The following RSPRY1 variants were observed in gnomAD, a reference collection of about 807,000 sequenced individuals.
RSPRY1 encodes the protein RING finger and SPRY domain-containing protein 1.
In RSPRY1, 23 loss-of-function variants were observed where a neutral mutation model predicts 73.1. The observed-to-expected ratio is 0.31, with a 90% CI of 0.23 to 0.45. The LOEUF is 0.45. Ranked by LOEUF, RSPRY1 falls within the 20% of genes least tolerant of loss-of-function variation. The probability of loss-of-function intolerance (pLI) is 1.00; values close to 1 mark genes in which losing one functional copy is unlikely to be tolerated. For synonymous variants in RSPRY1, 226 were observed against 251.4 expected (o/e 0.90, Z 0.95); for missense variants, 448 against 698.7 (o/e 0.64, Z 4.05).
At chr16:57,198,665 A>G (rs1271166933) in intron 1 of RSPRY1, among the ~76,000 whole-genome samples, 1 of 152,036 alleles carries the variant, frequency 6.6e-6, no homozygotes, top group Non-Finnish European at 1.5e-5. Context: ...CTCCCCTTCA[A>G]GGCTTTGTTT....
intron 11 of RSPRY1, among the ~76,000 whole-genome samples, chr16:57,229,868 G>A (rs1310421957): frequency 2.7e-5 from 4 of 150,058 alleles, no homozygotes; most frequent in African/African-American, 4.9e-5. Context: ...ATTAACACCC[G>A]GGTAATTTTT....
intron 1 of RSPRY1, among the ~76,000 whole-genome samples, chr16:57,202,940 TC>T (rs2074653316): frequency 6.7e-6 from 1 of 150,306 alleles, no homozygotes; most frequent in African/African-American, 2.4e-5. Context: ...TTTCTCTTTT[TC>T]TTCTATGTTT....
At chr16:57,217,164 G>GAT (rs2074955396) in intron 8 of RSPRY1, 129 bp downstream of exon 8, 3 of 973,178 alleles carry the variant, frequency 3.1e-6, no homozygotes, top group Admixed American at 4.4e-5. Context: ...TGGCAGGTTG[G>GAT]ATATATTCTA....
intron 1 of RSPRY1, among the ~76,000 whole-genome samples, chr16:57,188,969 G>C (rs2074301212): frequency 6.8e-6 from 1 of 145,994 alleles, no homozygotes; most frequent in Non-Finnish European, 1.5e-5. Context: ...TCTATGTTAT[G>C]CTTTTTTCTG....
At position 57,220,721 on chromosome 16, in the gene RSPRY1, T is replaced by C; in HGVS notation, c.902-11T>C. 6.3e-7 allele frequency: 1 copy of C among 1,575,788 alleles called. No homozygotes were observed. The highest frequency in any genetic ancestry group is 8.7e-7 in the Non-Finnish European group (1 of 1,145,268). On this transcript the variant is annotated splice_polypyrimidine_tract_variant and intron_variant, in intron 8 of 14. Coordinates refer to ENST00000394420, the MANE Select transcript of RSPRY1 (RefSeq NM_133368.3). ...CCTGCCTTAGAAACATGAACACTCT[T>C]TCTTTTGCAGTTTTAAAAGAAGGTA...
In RSPRY1 at chr16:57,239,616, T is replaced by G. The variant is rs943997796; in HGVS notation, c.*641T>G. On this transcript the variant is annotated 3_prime_UTR_variant, in exon 15 of 15. Transcript: ENST00000394420. ...TGTTTGTTTTTTTGTTTTTTGGGTT[T>G]TTTTTTTTTACTGCAGAAAATTGGT... 1 of 151,440 alleles carries G rather than the reference T, an allele frequency of 6.6e-6. No individual in the cohort carries two copies. Among genetic ancestry groups the G allele is most frequent in the Non-Finnish European group, 1.5e-5 (1 of 67,882 alleles). 9.4% of individuals were successfully genotyped at this position (151,440 alleles called of 1,614,324 possible).
chr16:57,195,955 G>A (rs1457756448), intron 1 of RSPRY1, among the ~76,000 whole-genome samples: 1 of 149,774 alleles, frequency 6.7e-6, no homozygotes, highest in East Asian at 2.0e-4. Context: ...CCAGGAGATA[G>A]AGGTTGCAGT....
intron 4 of RSPRY1, among the ~76,000 whole-genome samples, chr16:57,211,113 T>G (rs1488615456): frequency 6.6e-6 from 1 of 151,932 alleles, no homozygotes; most frequent in Non-Finnish European, 1.5e-5. Flanking sequence ...ATAACAAAAG[T>G]TTTAAGAATG....
chr16:57,201,978 G>A (rs1476074470), intron 1 of RSPRY1, among the ~76,000 whole-genome samples: 1 of 152,084 alleles, frequency 6.6e-6, no homozygotes, highest in Non-Finnish European at 1.5e-5. Flanking sequence ...AGGGAGAGGA[G>A]GGAGAGGGAG....
At chr16:57,238,810 G>A in intron 14 of RSPRY1, 69 bp from the exon 15 acceptor site, 1 of 773,632 alleles carries the variant, frequency 1.3e-6, no homozygotes, top group Non-Finnish European at 2.1e-6. Context: ...TTTTGATTTA[G>A]TTGGCAGGCA....
chr16:57,220,461 A>G (rs1171417722), intron 8 of RSPRY1: 7 of 212,626 alleles, frequency 3.3e-5, no homozygotes, highest in African/African-American at 4.6e-5. Flanking sequence ...TGCTATTGGC[A>G]TATAGAAATG....
At chr16:57,217,152 A>G in intron 8 of RSPRY1, 117 bp downstream of exon 8, 2 of 1,109,122 alleles carry the variant, frequency 1.8e-6, no homozygotes, top group Non-Finnish European at 2.7e-6. Context: ...AAGGACCTCT[A>G]CTGGCAGGTT....
chr16:57,223,455 C>T (rs1010820522), intron 10 of RSPRY1, among the ~76,000 whole-genome samples: 2 of 152,192 alleles, frequency 1.3e-5, no homozygotes, highest in Admixed American at 6.5e-5. Flanking sequence ...GAGCAACTCT[C>T]CAAGGGTGTA....
chr16:57,210,307 T>A (rs2074815770), intron 4 of RSPRY1, among the ~76,000 whole-genome samples: 1 of 152,146 alleles, frequency 6.6e-6, no homozygotes, highest in South Asian at 2.1e-4. Context: ...TTTGAACTCC[T>A]GGGCTCAAGG....
At position 57,239,656 on chromosome 16, in the gene RSPRY1, C is replaced by T. The variant is rs2075351031; in HGVS notation, c.*681C>T. 6.7e-6 allele frequency: 1 copy of T among 149,330 alleles called. No individual in the cohort carries two copies. The highest frequency in any genetic ancestry group is 2.1e-4 in the South Asian group (1 of 4,772). 9.3% of individuals were successfully genotyped at this position (149,330 alleles called of 1,614,324 possible). A position where few individuals can be genotyped will look rare whatever the true frequency, so the allele number is the denominator to read the frequency against. On this transcript the variant is annotated 3_prime_UTR_variant, in exon 15 of 15. Transcript: ENST00000394420. ...AGAAAATTGGTGGTATTTTCACATT[C>T]ATAGTGTTTCTATCCAATTTCAGTA...
rs1201818566 is a variant in RSPRY1 at position 57,207,024 on chromosome 16, A to G, written c.351-1034A>G. On this transcript the variant is annotated intron_variant, in intron 2 of 14. Coordinates refer to ENST00000394420, the MANE Select transcript of RSPRY1 (RefSeq NM_133368.3). ...GCCTGAAAGTATTATATTTTGTTAC[A>G]TTTTCATCTGGTGATGGTCACTTAG... Among the ~76,000 whole-genome samples, 7 of 152,162 alleles carry G rather than the reference A, an allele frequency of 4.6e-5. 1 individual carries two copies. Among genetic ancestry groups the G allele is most frequent in the Non-Finnish European group, 8.8e-5 (6 of 68,034 alleles).
intron 1 of RSPRY1, among the ~76,000 whole-genome samples, chr16:57,190,219 A>AT (rs757242337): frequency 2.0e-5 from 3 of 152,066 alleles, no homozygotes; most frequent in Non-Finnish European, 4.4e-5. Flanking sequence ...AAATACAAAA[A>AT]TTAGCCCAGC....
At chr16:57,207,690 G>C (rs1417943315) in intron 2 of RSPRY1, 1 of 463,240 alleles carries the variant, frequency 2.2e-6, no homozygotes, top group Admixed American at 2.3e-5. Flanking sequence ...TCTGAGGTAA[G>C]TATGAAGGTG....
intron 7 of RSPRY1, 107 bp downstream of exon 7, chr16:57,216,280 C>A: frequency 2.5e-6 from 2 of 798,076 alleles, no homozygotes; most frequent in Non-Finnish European, 4.3e-6. Context: ...ATCAGATGGG[C>A]ATACATTCTG....
Sources: gnomAD v4.1 joint callset for allele counts (sites outside exome capture counted in the v4.1 genomes callset) on GRCh38, gnomAD v4.1.1 for gene constraint, MANE v1.5 for transcripts, NCBI Gene and HGNC (gene_info 2026-07-23, HGNC 2026-07-21) for gene names.